The following TTLL5 variants were observed in gnomAD, a reference collection of about 807,000 sequenced individuals.
The protein encoded by TTLL5 is tubulin polyglutamylase TTLL5.
A neutral mutation model predicts 168.4 loss-of-function variants in TTLL5; 132 were observed. The observed-to-expected ratio is 0.78, with a 90% CI of 0.68 to 0.91. The LOEUF is 0.91. Ranked by LOEUF, TTLL5 falls within the 40% of genes least tolerant of loss-of-function variation. The pLI is 0.00. For missense variants in TTLL5, 1,545 were observed against 1,581.5 expected, an observed-to-expected ratio of 0.98 and a Z score of 0.39; for synonymous variants, 546 against 558.6, an observed-to-expected ratio of 0.98 and a Z score of 0.32.
intron 31 of TTLL5, among the ~76,000 whole-genome samples, chr14:75,914,033 A>AAAAAATATATATATATATAT: frequency 2.8e-5 from 2 of 71,098 alleles, no homozygotes; most frequent in African/African-American, 1.5e-4. Context: ...AAAAAAAAAA[A>AAAAAATATATATATATATAT]ATATATATAT....
At chr14:75,764,309 G>A (rs1290815442) in intron 18 of TTLL5, among the ~76,000 whole-genome samples, 1 of 152,184 alleles carries the variant, frequency 6.6e-6, no homozygotes, top group Non-Finnish European at 1.5e-5. Context: ...GTATTTTAAG[G>A]TATAAGGTGT....
intron 15 of TTLL5, among the ~76,000 whole-genome samples, chr14:75,744,193 A>G (rs1015674926): frequency 5.9e-5 from 9 of 152,142 alleles, no homozygotes; most frequent in African/African-American, 1.7e-4. Context: ...CAAGAGGACA[A>G]TTTGCACCCA....
intron 21 of TTLL5, among the ~76,000 whole-genome samples, chr14:75,772,323 A>G (rs1487965101): frequency 2.0e-5 from 3 of 152,128 alleles, no homozygotes; most frequent in African/African-American, 4.8e-5. Flanking sequence ...TTAAACTCAG[A>G]TGTACTTTAC....
Position 75,925,549 on chromosome 14 carries a change from C to T in TTLL5, c.3823+23325C>T, listed in dbSNP as rs527268381. Reference sequence around the variant, plus strand: ...AGATGGGATGGCGGCTGGGCAGAGACGCTCCTCACTTTCCAGACTGGGCAG... The same window carrying T: ...AGATGGGATGGCGGCTGGGCAGAGATGCTCCTCACTTTCCAGACTGGGCAG... On this transcript the variant is annotated intron_variant, in intron 31 of 31. Transcript: ENST00000298832. Among the ~76,000 whole-genome samples, 75 of 151,030 alleles carry T rather than the reference C, an allele frequency of 5.0e-4. 1 individual carries two copies. The South Asian group carries it at 0.014, about 28-fold the overall frequency.
intron 22 of TTLL5, 136 bp downstream of exon 22, chr14:75,775,766 G>A: frequency 1.8e-6 from 2 of 1,129,098 alleles, no homozygotes; most frequent in African/African-American, 1.6e-5. Flanking sequence ...ATGTATTACT[G>A]TTAGGGGAAG....
At chr14:75,771,631 C>G in intron 20 of TTLL5, 103 bp from the exon 21 acceptor site, 1 of 1,513,138 alleles carries the variant, frequency 6.6e-7, no homozygotes, top group Non-Finnish European at 8.9e-7. Flanking sequence ...TCTTAGCCAT[C>G]ATAATAGAAG....
At chr14:75,837,851 G>T (rs1895956280) in intron 28 of TTLL5, among the ~76,000 whole-genome samples, 2 of 151,994 alleles carry the variant, frequency 1.3e-5, no homozygotes, top group African/African-American at 4.8e-5. Context: ...ATATGTGTGT[G>T]TGTATGGGAG....
intron 13 of TTLL5, among the ~76,000 whole-genome samples, chr14:75,733,212 C>T (rs150341799): frequency 2.0e-5 from 3 of 152,278 alleles, no homozygotes; most frequent in East Asian, 3.9e-4. Context: ...ATGCAACTTT[C>T]GTCAAGTCAG....
intron 9 of TTLL5, chr14:75,709,495 T>C (rs376221239): frequency 2.9e-6 from 1 of 342,794 alleles, no homozygotes; most frequent in East Asian, 5.1e-5. Flanking sequence ...CAAAACTCCC[T>C]AGTTCTGGCC....
intron 9 of TTLL5, chr14:75,709,140 G>A (rs762524057): frequency 2.7e-6 from 2 of 747,526 alleles, no homozygotes; most frequent in Non-Finnish European, 2.5e-6. Flanking sequence ...GTCACGACAA[G>A]CTAAAAAAGC....
chr14:75,932,577 C>G (rs1212707428), intron 31 of TTLL5, among the ~76,000 whole-genome samples: 1 of 152,018 alleles, frequency 6.6e-6, no homozygotes, highest in Non-Finnish European at 1.5e-5. Flanking sequence ...CCCATGACTT[C>G]AAGGAAGAAA....
At chr14:75,786,680 T>C (rs567225516) in intron 26 of TTLL5, among the ~76,000 whole-genome samples, 2 of 152,236 alleles carry the variant, frequency 1.3e-5, no homozygotes, top group African/African-American at 4.8e-5. Context: ...CTTTTTAAAG[T>C]TAAATATACA....
At chr14:75,816,244 G>A (rs998554139) in intron 27 of TTLL5, among the ~76,000 whole-genome samples, 2 of 152,156 alleles carry the variant, frequency 1.3e-5, no homozygotes, top group African/African-American at 4.8e-5. Context: ...GGCCAACATG[G>A]TGAAATCCTG....
chr14:75,867,570 AC>A (rs1744573704), intron 29 of TTLL5, among the ~76,000 whole-genome samples: 1 of 151,742 alleles, frequency 6.6e-6, no homozygotes, highest in South Asian at 2.1e-4. Context: ...GACCAGCCTG[AC>A]CAATATGGTG....
At chr14:75,699,353 C>A in intron 7 of TTLL5, 83 bp downstream of exon 7, 1 of 1,219,976 alleles carries the variant, frequency 8.2e-7, no homozygotes, top group Non-Finnish European at 1.2e-6. Context: ...AATATAGTTC[C>A]ATTTCATTAA....
rs557615427 is a variant in TTLL5 at position 75,905,852 on chromosome 14, T to C, written c.3823+3628T>C. ...TGCCCCTTAGCTTCTGCCTAAGCCT[T>C]TCCTGTTCTGGAGCCCAACCTCTCC... is the stretch of plus-strand genomic sequence containing the variant. On this transcript the variant is annotated intron_variant, in intron 31 of 31. Transcript: ENST00000298832. 5.9e-5 allele frequency among the ~76,000 whole-genome samples: 9 copies of C among 152,294 alleles called. No homozygotes were observed. The East Asian group carries it at 1.5e-3, about 26-fold the overall frequency.
chr14:75,787,762 C>G (rs185228554), intron 26 of TTLL5, among the ~76,000 whole-genome samples: 264 of 152,292 alleles, frequency 1.7e-3, no homozygotes, highest in Middle Eastern at 6.8e-3. Flanking sequence ...AACAAGAGAA[C>G]AAATTGCAGA....
At chr14:75,886,615 T>TA (rs1019736240) in intron 30 of TTLL5, 6 of 1,489,228 alleles carry the variant, frequency 4.0e-6, no homozygotes, top group Admixed American at 2.0e-5. Context: ...GGGAATGATT[T>TA]AAAATTTTTT....
intron 30 of TTLL5, among the ~76,000 whole-genome samples, chr14:75,889,396 A>G (rs2032277282): frequency 6.6e-6 from 1 of 152,250 alleles, no homozygotes; most frequent in Non-Finnish European, 1.5e-5. Context: ...ATAAGATTAA[A>G]TCAATAGATA....
Sources: allele counts gnomAD v4.1 joint callset (sites outside exome capture counted in the v4.1 genomes callset), GRCh38; gene constraint gnomAD v4.1.1; transcripts MANE v1.5; gene names NCBI Gene and HGNC (gene_info 2026-07-23, HGNC 2026-07-21).